The following ANKS1B variants were observed in gnomAD, a reference collection of about 807,000 sequenced individuals.
ANKS1B encodes the protein ankyrin repeat and sterile alpha motif domain containing 1B.
ANKS1B carries 36 observed loss-of-function variants against 148.3 expected under a neutral mutation model. The observed-to-expected ratio is 0.24, with a 90% confidence interval of 0.19 to 0.32. The LOEUF (loss-of-function observed/expected upper bound fraction) is 0.32. Among genes scored for constraint, ANKS1B ranks in the 10% least tolerant of loss-of-function variants. ANKS1B has a pLI of 1.00. For synonymous variants in ANKS1B, 542 were observed against 560.8 expected (o/e 0.97, Z 0.47); for missense variants, 1,157 against 1,542.6 (o/e 0.75, Z 4.19).
At chr12:99,860,905 G>A (rs1293086007) in intron 1 of ANKS1B, among the ~76,000 whole-genome samples, 1 of 152,146 alleles carries the variant, frequency 6.6e-6, no homozygotes, top group Non-Finnish European at 1.5e-5. Flanking sequence ...AACTACATTT[G>A]CCCCAAGGCT....
At chr12:99,582,693 G>C (rs2097582513) in intron 9 of ANKS1B, among the ~76,000 whole-genome samples, 4 of 152,044 alleles carry the variant, frequency 2.6e-5, no homozygotes, top group Admixed American at 1.3e-4. Flanking sequence ...GATAATGAGG[G>C]GATTGATTGC....
At chr12:99,408,490 G>A (rs762403241) in intron 11 of ANKS1B, among the ~76,000 whole-genome samples, 7 of 145,308 alleles carry the variant, frequency 4.8e-5, no homozygotes, top group Non-Finnish European at 9.1e-5. Context: ...AAGCAAAAGC[G>A]GACAAGTGAG....
chr12:99,408,614 T>C (rs2152653845), intron 11 of ANKS1B, among the ~76,000 whole-genome samples: 1 of 145,826 alleles, frequency 6.9e-6, no homozygotes, highest in East Asian at 1.9e-4. Context: ...AAGAGATTAA[T>C]AGCCAGAATA....
At chr12:99,815,493 T>A (rs114744703) in intron 2 of ANKS1B, among the ~76,000 whole-genome samples, 3,071 of 151,872 alleles carry the variant, frequency 0.02, 81 homozygotes, top group African/African-American at 0.057. Flanking sequence ...TTTTCTTTTT[T>A]AATTTTATTT....
rs115797293 is a variant in ANKS1B, at chr12:99,850,530, A to G, written c.135-25141T>C. On this transcript the variant is annotated intron_variant, in intron 1 of 26. Transcript: ENST00000683438. Reference sequence around the variant, plus strand: ...TCTCTATCTTCTAAACCAATTTCCAATGCACAAAACACATCAATAATTCTA... The same window carrying G: ...TCTCTATCTTCTAAACCAATTTCCAGTGCACAAAACACATCAATAATTCTA... Among the ~76,000 whole-genome samples the G allele has an allele frequency of 7.8e-3, 1,188 of 152,110 alleles. 13 individuals are homozygous for G. Among genetic ancestry groups the G allele is most frequent in the African/African-American group, 0.027 (1,123 of 41,542 alleles).
rs1295478340 is a variant in ANKS1B, at chr12:99,023,762, T to C, written c.2778+29395A>G. ...CTTCTATGTCTCTTTTTAACATATC[T>C]ATATACCTCTCTGTGAATATGCACA... On this transcript the variant is annotated intron_variant, in intron 17 of 26. Coordinates refer to ENST00000683438, the MANE Select transcript of ANKS1B (RefSeq NM_001352186.2). 2.0e-5 allele frequency among the ~76,000 whole-genome samples: 3 copies of C among 151,290 alleles called. No individual in the cohort carries two copies. In the East Asian group the frequency reaches 5.8e-4, roughly 29 times the overall value.
At chr12:99,466,906 A>G (rs979887327) in intron 10 of ANKS1B, among the ~76,000 whole-genome samples, 24 of 152,276 alleles carry the variant, frequency 1.6e-4, no homozygotes, top group Admixed American at 1.4e-3. Flanking sequence ...TCCAATCAAT[A>G]GAAAAAGAGG....
chr12:99,357,832 T>G (rs1414223363), intron 12 of ANKS1B, among the ~76,000 whole-genome samples: 1 of 152,106 alleles, frequency 6.6e-6, no homozygotes, highest in Non-Finnish European at 1.5e-5. Context: ...TCAACTCATA[T>G]TGTAACTACA....
chr12:99,451,213 GT>G (rs1485406903), intron 10 of ANKS1B, among the ~76,000 whole-genome samples: 4 of 151,954 alleles, frequency 2.6e-5, no homozygotes, highest in Admixed American at 6.6e-5. Context: ...ATGAATGTCA[GT>G]TTAGTCTATA....
intron 14 of ANKS1B, among the ~76,000 whole-genome samples, chr12:99,239,316 C>G (rs894510160): frequency 1.3e-5 from 2 of 152,070 alleles, no homozygotes; most frequent in Admixed American, 6.5e-5. Flanking sequence ...GAAAGGATAA[C>G]AGTGATGGAA....
intron 10 of ANKS1B, among the ~76,000 whole-genome samples, chr12:99,498,480 TG>T (rs1408862072): frequency 2.6e-5 from 4 of 152,156 alleles, no homozygotes; most frequent in African/African-American, 9.7e-5. Flanking sequence ...CCTCCTTCTT[TG>T]AGGCTAGCAA....
chr12:99,594,296 T>A (rs1252152272), intron 9 of ANKS1B, among the ~76,000 whole-genome samples: 2 of 152,114 alleles, frequency 1.3e-5, no homozygotes, highest in East Asian at 1.9e-4. Context: ...AAAAACAGTA[T>A]GAAATTTCCT....
intron 12 of ANKS1B, among the ~76,000 whole-genome samples, chr12:99,292,083 G>GGAC (rs1486509245): frequency 2.0e-5 from 3 of 152,104 alleles, no homozygotes; most frequent in Non-Finnish European, 4.4e-5. Flanking sequence ...ATATGATTCA[G>GGAC]GACATAGGCA....
At chr12:99,472,962 G>A (rs1180158151) in intron 10 of ANKS1B, among the ~76,000 whole-genome samples, 1 of 151,960 alleles carries the variant, frequency 6.6e-6, no homozygotes, top group Non-Finnish European at 1.5e-5. Context: ...ATTCTTCTAA[G>A]AGCATGTCTT....
At chr12:99,526,949 G>A (rs2153077888) in intron 9 of ANKS1B, among the ~76,000 whole-genome samples, 1 of 152,262 alleles carries the variant, frequency 6.6e-6, no homozygotes, top group Non-Finnish European at 1.5e-5. Flanking sequence ...GAAGAAATCT[G>A]GAGACAGACT....
chr12:99,299,534 A>G (rs1392068009), intron 12 of ANKS1B, among the ~76,000 whole-genome samples: 1 of 152,164 alleles, frequency 6.6e-6, no homozygotes, highest in East Asian at 1.9e-4. Context: ...TATAACAAAT[A>G]TAATCACTTT....
chr12:99,189,365 C>G (rs988038208), intron 14 of ANKS1B, among the ~76,000 whole-genome samples: 1 of 152,140 alleles, frequency 6.6e-6, no homozygotes, highest in African/African-American at 2.4e-5. Flanking sequence ...CATCCTGATA[C>G]CAAAACCTGG....
chr12:98,960,745 A>G (rs1395428818), intron 17 of ANKS1B, among the ~76,000 whole-genome samples: 6 of 152,206 alleles, frequency 3.9e-5, no homozygotes, highest in African/African-American at 1.4e-4. Flanking sequence ...AGGAAATGCA[A>G]TGAAATTCAA....
At chr12:99,243,381 A>G (rs946195678) in intron 14 of ANKS1B, among the ~76,000 whole-genome samples, 1 of 152,180 alleles carries the variant, frequency 6.6e-6, no homozygotes, top group South Asian at 2.1e-4. Flanking sequence ...GAAACAACAG[A>G]TGCTGGAGAG....
Sources: gnomAD v4.1 joint callset for allele counts (sites outside exome capture counted in the v4.1 genomes callset) on GRCh38, gnomAD v4.1.1 for gene constraint, MANE v1.5 for transcripts, NCBI Gene and HGNC (gene_info 2026-07-23, HGNC 2026-07-21) for gene names.